The following YTHDF1 variants were observed in gnomAD, a reference collection of about 807,000 sequenced individuals.
The protein encoded by YTHDF1 is YTH N6-methyladenosine RNA binding protein F1.
A neutral mutation model predicts 49.1 loss-of-function variants in YTHDF1; 16 were observed. The observed-to-expected ratio is 0.33, with a 90% CI of 0.22 to 0.49. The LOEUF is 0.49. YTHDF1 is among the 20% of genes least tolerant of loss of function. The pLI, the probability that YTHDF1 is intolerant of heterozygous loss-of-function variation, is 0.99. For synonymous variants in YTHDF1, 313 were observed against 290.1 expected, an observed-to-expected ratio of 1.08 and a Z score of -0.80; for missense variants, 621 against 744.3, an observed-to-expected ratio of 0.83 and a Z score of 1.93.
At chr20:63,198,970 G>C (rs2066505064) in intron 4 of YTHDF1, among the ~76,000 whole-genome samples, 1 of 152,232 alleles carries the variant, frequency 6.6e-6, no homozygotes, top group African/African-American at 2.4e-5. Flanking sequence ...TGCCATAAAA[G>C]CTACTGCCAT....
intron 3 of YTHDF1, among the ~76,000 whole-genome samples, chr20:63,207,683 G>A (rs975003565): frequency 1.8e-4 from 28 of 151,926 alleles, no homozygotes; most frequent in Non-Finnish European, 3.5e-4. Flanking sequence ...CAGCCCCTGC[G>A]GAGAACTGAC....
At position 63,203,930 on chromosome 20, in the gene YTHDF1, T is replaced by C; in HGVS notation, c.133-123A>G. The C allele has an allele frequency of 1.1e-6, 1 of 887,752 alleles. No homozygotes were observed. The highest frequency in any genetic ancestry group is 3.5e-4 in the Middle Eastern group (1 of 2,844). 55.0% of individuals were successfully genotyped at this position (887,752 alleles called of 1,614,324 possible). On this transcript the variant is annotated intron_variant, in intron 3 of 4. Coordinates refer to ENST00000370339, the MANE Select transcript of YTHDF1 (RefSeq NM_017798.4). The surrounding 1 kb of genome is among the most constrained non-coding windows in gnomAD (Gnocchi z 4.4). ...AACCTGCACAGCATGGGGCTACTCC[T>C]TCCAGAAAGAAAGCTGTAGTCGCCA...
At chr20:63,212,305 T>C (rs2066578451) in intron 3 of YTHDF1, among the ~76,000 whole-genome samples, 1 of 152,186 alleles carries the variant, frequency 6.6e-6, no homozygotes, top group South Asian at 2.1e-4. Flanking sequence ...TCTAAGCTGC[T>C]TGATTCGCCA....
rs373981100 is a variant in YTHDF1 at position 63,202,684 on chromosome 20, T to C, written c.1256A>G (p.Lys419Arg). The C allele has an allele frequency of 3.3e-5, 54 of 1,613,952 alleles. 1 individual carries two copies. The highest frequency in any genetic ancestry group is 1.8e-4 in the East Asian group (8 of 44,888). Residue 419 changes from lysine (K) to arginine (R), a missense_variant, in exon 4 of 5, where the codon AAG becomes AGG. Around this residue, in one of 2 missense-constraint regions of YTHDF1, gnomAD observed 151 missense variants for 248.5 expected, o/e 0.61. Coordinates refer to ENST00000370339, the MANE Select transcript of YTHDF1 (RefSeq NM_017798.4). ...SIWCSTEHGN[K>R]RLDSAFRCMS... ...GCAGCGGAAGGCGCTGTCCAGGCGC[T>C]TGTTGCCGTGCTCTGTGCTACACCA...
At chr20:63,197,716 T>C (rs1467639986) in intron 4 of YTHDF1, among the ~76,000 whole-genome samples, 2 of 152,060 alleles carry the variant, frequency 1.3e-5, no homozygotes, top group Non-Finnish European at 2.9e-5. Flanking sequence ...CACTCCAGCC[T>C]GGGCAACAGA....
chr20:63,196,805 C>T (rs769475089), intron 4 of YTHDF1, 71 bp from the exon 5 acceptor site: 70 of 1,592,444 alleles, frequency 4.4e-5, no homozygotes, highest in Admixed American at 2.2e-4. Context: ...AAGTGAGATC[C>T]GAGGCTGCCC....
intron 4 of YTHDF1, among the ~76,000 whole-genome samples, chr20:63,197,263 G>A (rs1013677772): frequency 2.6e-5 from 4 of 152,106 alleles, no homozygotes; most frequent in African/African-American, 4.8e-5. Context: ...CAGGAGGACC[G>A]GTGTGGGCCT....
At chr20:63,201,346 A>C (rs1333165440) in intron 4 of YTHDF1, among the ~76,000 whole-genome samples, 1 of 152,208 alleles carries the variant, frequency 6.6e-6, no homozygotes, top group East Asian at 1.9e-4. Flanking sequence ...AAACACTGAA[A>C]ACCCATCTAT....
intron 3 of YTHDF1, among the ~76,000 whole-genome samples, chr20:63,213,397 G>A (rs994747496): frequency 6.6e-6 from 1 of 152,170 alleles, no homozygotes; most frequent in African/African-American, 2.4e-5. Context: ...ACGCCATTGC[G>A]CTCCAGCCTG....
intron 4 of YTHDF1, among the ~76,000 whole-genome samples, chr20:63,198,909 G>T (rs1284023492): frequency 6.6e-6 from 1 of 152,140 alleles, no homozygotes; most frequent in East Asian, 1.9e-4. Flanking sequence ...CCGTTTCTAG[G>T]TTTTTTTAAA....
Position 63,202,891 on chromosome 20 carries a change from G to C in YTHDF1, c.1049C>G (p.Ser350Cys), listed in dbSNP as rs1286257045. 1 of 1,613,994 alleles carries C rather than the reference G, an allele frequency of 6.2e-7. No homozygotes were observed. The highest frequency in any genetic ancestry group is 8.5e-7 in the Non-Finnish European group (1 of 1,180,056). The change falls in exon 4 of 5, where the codon TCT becomes TGT. Residue 350 changes from serine (S) to cysteine (C), a missense_variant. By Grantham distance (112) the Ser-to-Cys change is moderately radical. Transcript: ENST00000370339. Reference sequence around the variant, plus strand: ...AGAATTAGGCTGGACGTTTCCAGGAGAGTTGCTATCGCTGCCAGCCCCTCC... The same window carrying C: ...AGAATTAGGCTGGACGTTTCCAGGACAGTTGCTATCGCTGCCAGCCCCTCC... ...QSGGAGSDSN[S>C]PGNVQPNSAP...
At chr20:63,197,527 G>A (rs1161875880) in intron 4 of YTHDF1, among the ~76,000 whole-genome samples, 2 of 152,138 alleles carry the variant, frequency 1.3e-5, no homozygotes, top group Non-Finnish European at 2.9e-5. Context: ...TCCTTACAAG[G>A]CAGCATACAA....
rs908249016 is a variant in YTHDF1 at position 63,202,925 on chromosome 20, C to T, written c.1015G>A (p.Gly339Arg). 3 of 1,614,080 alleles carry T rather than the reference C, an allele frequency of 1.9e-6. No homozygotes were observed. In the African/African-American group the frequency reaches 4.0e-5, roughly 22 times the overall value. The change falls in exon 4 of 5, where the codon GGG becomes AGG. Residue 339 changes from glycine to arginine, a missense_variant. Around this residue, in one of 2 missense-constraint regions of YTHDF1, gnomAD observed 470 missense variants for 495.8 expected, o/e 0.95. Transcript: ENST00000370339. ...VAPRNRNAAF[G>R]QSGGAGSDSN... The stretch of plus-strand genomic sequence containing the variant: ...TCGCTGCCAGCCCCTCCGCTCTGCC[C>T]AAACGCCGCGTTTCTGTTGCGTGGG...
At chr20:63,210,433 T>TAGGA (rs2066568680) in intron 3 of YTHDF1, among the ~76,000 whole-genome samples, 1 of 152,162 alleles carries the variant, frequency 6.6e-6, no homozygotes, top group African/African-American at 2.4e-5. Context: ...CAGTCTTTCC[T>TAGGA]TTCAGAAAAC....
intron 1 of YTHDF1, 56 bp from the exon 2 acceptor site, chr20:63,215,657 C>A: frequency 6.4e-7 from 1 of 1,569,210 alleles, no homozygotes; most frequent in Admixed American, 1.9e-5. Flanking sequence ...AAGAGGGAAA[C>A]ACAAAGTTAT....
intron 3 of YTHDF1, among the ~76,000 whole-genome samples, chr20:63,208,175 G>GCTC (rs1372082059): frequency 1.3e-5 from 2 of 152,104 alleles, no homozygotes; most frequent in Non-Finnish European, 2.9e-5. Context: ...TGACCAAAAG[G>GCTC]AGAGACTAGA....
Position 63,203,657 on chromosome 20 carries a change from C to T in YTHDF1, c.283G>A (p.Gly95Arg), listed in dbSNP as rs1385390540. The T allele has an allele frequency of 7.4e-6, 12 of 1,614,056 alleles. No homozygotes were observed. Among genetic ancestry groups the T allele is most frequent in the South Asian group, 5.5e-5 (5 of 91,088 alleles). The change falls in exon 4 of 5, where the codon GGA becomes AGA. Residue 95 changes from glycine (G) to arginine (R), a missense_variant. Gly to Arg is a moderately radical substitution (Grantham distance 125, BLOSUM62 -2). Transcript: ENST00000370339. The surrounding 1 kb of genome is among the most constrained non-coding windows in gnomAD (Gnocchi z 4.4). ...GCATCGTGCATAAAATGATGGTCTC[C>T]GTTACTGAGCTGTCCGTAGGTGGTG... Reference protein sequence around the residue: ...YLTTYGQLSNGDHHFMHDAVF... With the variant: ...YLTTYGQLSNRDHHFMHDAVF...
intron 3 of YTHDF1, among the ~76,000 whole-genome samples, chr20:63,207,435 C>G (rs935055984): frequency 7.2e-5 from 11 of 151,998 alleles, no homozygotes; most frequent in African/African-American, 2.7e-4. Flanking sequence ...AGCCACTGCA[C>G]TCCAGCCTGG....
Position 63,203,471 on chromosome 20 carries a change from A to T in YTHDF1, c.469T>A (p.Ser157Thr). ...CCATCAACCACCGTGCCACCCAGGGAGCTCGGGGGGTAGGTGTAGCTGCTC... is the reference window on the plus strand; with the variant it reads ...CCATCAACCACCGTGCCACCCAGGGTGCTCGGGGGGTAGGTGTAGCTGCTC... ...YGSSYTYPPS[S>T]LGGTVVDGQP... The change falls in exon 4 of 5, where the codon TCC becomes ACC. Residue 157 changes from serine to threonine, a missense_variant. Ser to Thr is a moderately conservative substitution (Grantham distance 58, BLOSUM62 1). Transcript: ENST00000370339. The surrounding 1 kb of genome is among the most constrained non-coding windows in gnomAD (Gnocchi z 4.4). 6.2e-7 allele frequency: 1 copy of T among 1,613,262 alleles called. No homozygotes were observed.
Sources: gnomAD v4.1 joint callset for allele counts (sites outside exome capture counted in the v4.1 genomes callset) on GRCh38, gnomAD v4.1.1 for gene constraint, gnomAD v4.1.1 regional missense constraint, Gnocchi (gnomAD v3.1) non-coding constraint, MANE v1.5 for transcripts, NCBI Gene and HGNC (gene_info 2026-07-23, HGNC 2026-07-21) for gene names.